RMDN2: variants seen among roughly 807,000 people sequenced by gnomAD.
The protein encoded by RMDN2 is regulator of microtubule dynamics 2.
In RMDN2, 61 loss-of-function variants were observed where a neutral mutation model predicts 52.8. The observed-to-expected ratio is 1.16, with a 90% CI of 0.94 to 1.43. The LOEUF (loss-of-function observed/expected upper bound fraction) is 1.43. RMDN2 is among the 40% of genes most tolerant of loss of function. The pLI is 0.00. For missense variants in RMDN2, 592 were observed against 475.3 expected (o/e 1.25, Z -2.28); for synonymous variants, 180 against 153.1 (o/e 1.18, Z -1.30).
chr2:37,976,189 A>T lies in RMDN2; in HGVS notation c.730+875A>T, dbSNP rs1471444935. 2.0e-5 allele frequency: 3 copies of T among 152,326 alleles called. No individual in the cohort carries two copies. In the East Asian group the frequency reaches 5.8e-4, roughly 29 times the overall value. 9.4% of individuals were successfully genotyped at this position (152,326 alleles called of 1,614,324 possible). ...TTACATGTTGGTTCATTATTCTGACATCTATACTTTTCTACAAGTTTTTGA... is the reference window on the plus strand; with the variant it reads ...TTACATGTTGGTTCATTATTCTGACTTCTATACTTTTCTACAAGTTTTTGA... On this transcript the variant is annotated intron_variant, in intron 4 of 10. Transcript: ENST00000354545.
chr2:38,031,926 A>T (rs1444355206), intron 10 of RMDN2, among the ~76,000 whole-genome samples: 1 of 152,174 alleles, frequency 6.6e-6, no homozygotes, highest in Non-Finnish European at 1.5e-5. Flanking sequence ...TCAGGTCTCA[A>T]GAGAATCATA....
rs556737973 is a variant in RMDN2, at chr2:38,043,288, C to CT, written c.1714-23691dup. On this transcript the variant is annotated intron_variant, in intron 10 of 10. Coordinates refer to the RMDN2 transcript ENST00000234195. ...ACAATTTTTCTTAGTCTCAAATCTG[C>CT]TTTGTCTGAAATTAATATAGCTACT... Among the ~76,000 whole-genome samples, 8 of 152,198 alleles carry CT rather than the reference C, an allele frequency of 5.3e-5. No individual in the cohort carries two copies. The East Asian group carries it at 1.5e-3, about 29-fold the overall frequency.
chr2:37,976,438 G>T (rs1047045899), intron 4 of RMDN2: 1 of 152,208 alleles, frequency 6.6e-6, no homozygotes, highest in Admixed American at 6.5e-5. Flanking sequence ...AAGATAGCAA[G>T]AGGAAGACAC....
chr2:37,964,020 C>T (rs2125029971), intron 2 of RMDN2, among the ~76,000 whole-genome samples: 1 of 150,638 alleles, frequency 6.6e-6, no homozygotes, highest in South Asian at 2.1e-4. Context: ...GACGGGGCGG[C>T]TGGCCTGGCG....
At chr2:37,962,453 C>T (rs913896823) in intron 2 of RMDN2, among the ~76,000 whole-genome samples, 1 of 152,174 alleles carries the variant, frequency 6.6e-6, no homozygotes, top group African/African-American at 2.4e-5. Context: ...GCAGTGGGCT[C>T]CACCCAGTCC....
chr2:37,945,909 G>T (rs1668179574), intron 2 of RMDN2, among the ~76,000 whole-genome samples: 1 of 152,038 alleles, frequency 6.6e-6, no homozygotes, highest in African/African-American at 2.4e-5. Flanking sequence ...GTATCCTAGG[G>T]GAAGTAAGGT....
At chr2:37,970,198 A>T (rs906034525) in intron 2 of RMDN2, among the ~76,000 whole-genome samples, 7 of 152,074 alleles carry the variant, frequency 4.6e-5, no homozygotes, top group African/African-American at 1.4e-4. Context: ...AAGTGCTGGG[A>T]ATATACCGCA....
intron 10 of RMDN2, among the ~76,000 whole-genome samples, chr2:38,014,564 T>G (rs1183365414): frequency 1.3e-5 from 2 of 152,228 alleles, no homozygotes; most frequent in Non-Finnish European, 2.9e-5. Flanking sequence ...TGTGTGATAG[T>G]CACTACCCAA....
At chr2:37,921,334 A>AT (rs976730067), upstream of RMDN2, among the ~76,000 whole-genome samples, 138 of 152,216 alleles carry the variant, frequency 9.1e-4, no homozygotes, top group African/African-American at 2.8e-3. Flanking sequence ...CTTTTCAGAA[A>AT]TTTTTTTTGT....
rs112644995 is a variant in RMDN2, at chr2:37,983,933, T to C, written c.791+2590T>C. On this transcript the variant is annotated intron_variant, in intron 5 of 10. Transcript: ENST00000354545. ...GGATCACAGCCACACACAGGCATTT[T>C]TGCACAGCAGCAGAGTAGTTGCAAA... Among the ~76,000 whole-genome samples the C allele has an allele frequency of 2.4e-3, 358 of 152,314 alleles. 2 individuals carry two copies. The highest frequency in any genetic ancestry group is 7.2e-3 in the African/African-American group (298 of 41,570).
chr2:38,003,395 A>G (rs937687432), intron 8 of RMDN2, among the ~76,000 whole-genome samples: 2 of 152,174 alleles, frequency 1.3e-5, no homozygotes, highest in South Asian at 2.1e-4. Context: ...TCTATTAAAA[A>G]TACAAAAATT....
intron 10 of RMDN2, among the ~76,000 whole-genome samples, chr2:38,023,681 A>G (rs1388034905): frequency 6.6e-6 from 1 of 152,208 alleles, no homozygotes; most frequent in Non-Finnish European, 1.5e-5. Flanking sequence ...TTTAGAACCA[A>G]GTAAAGTTCA....
At chr2:38,066,410 T>C (rs909977444) in intron 10 of RMDN2, among the ~76,000 whole-genome samples, 5 of 152,220 alleles carry the variant, frequency 3.3e-5, no homozygotes, top group African/African-American at 1.2e-4. Flanking sequence ...TTAAAAAAAT[T>C]GCTTTTAAAT....
At chr2:37,923,394 T>C (rs1208886169), upstream of RMDN2, 1 of 152,180 alleles carries the variant, frequency 6.6e-6, no homozygotes, top group African/African-American at 2.4e-5. Flanking sequence ...AGCCCATACG[T>C]CACATTTTTA....
chr2:37,986,418 G>A (rs1331679634), intron 5 of RMDN2, among the ~76,000 whole-genome samples: 3 of 151,972 alleles, frequency 2.0e-5, no homozygotes, highest in Non-Finnish European at 4.4e-5. Flanking sequence ...AGAAGTAGAG[G>A]GTACACTTCC....
chr2:38,049,428 C>T (rs1412375724), intron 10 of RMDN2, among the ~76,000 whole-genome samples: 1 of 152,166 alleles, frequency 6.6e-6, no homozygotes, highest in Admixed American at 6.5e-5. Context: ...CCTTCAAATC[C>T]CTGCTAAGAG....
At chr2:37,924,987 G>A (rs1009015583), upstream of RMDN2, among the ~76,000 whole-genome samples, 2 of 152,236 alleles carry the variant, frequency 1.3e-5, no homozygotes, top group African/African-American at 4.8e-5. Flanking sequence ...GGGTTTGAGA[G>A]CCGGAACGAA....
At chr2:37,978,257 C>A (rs1271100447) in intron 4 of RMDN2, among the ~76,000 whole-genome samples, 1 of 138,632 alleles carries the variant, frequency 7.2e-6, no homozygotes, top group African/African-American at 2.7e-5. Context: ...TGCAGTGAGT[C>A]GAGATGGCGG....
chr2:37,960,951 C>G (rs534851313), intron 2 of RMDN2, among the ~76,000 whole-genome samples: 3 of 152,302 alleles, frequency 2.0e-5, no homozygotes, highest in African/African-American at 7.2e-5. Flanking sequence ...GCTTATGAAG[C>G]TTAGTTTGGC....
Sources: allele counts gnomAD v4.1 joint callset (sites outside exome capture counted in the v4.1 genomes callset), GRCh38; gene constraint gnomAD v4.1.1; transcripts MANE v1.5; gene names NCBI Gene and HGNC (gene_info 2026-07-23, HGNC 2026-07-21).